KCNIP4: variants seen among roughly 807,000 people sequenced by gnomAD.
The protein encoded by KCNIP4 is Kv channel-interacting protein 4.
Under a neutral mutation model 34.0 loss-of-function variants are expected in KCNIP4, and 12 were observed. The observed-to-expected ratio is 0.35, with a 90% CI of 0.23 to 0.57. The LOEUF (loss-of-function observed/expected upper bound fraction) is 0.57. KCNIP4 is among the 20% of genes least tolerant of loss of function. KCNIP4 has a pLI of 0.83. For missense variants in KCNIP4, 238 were observed against 311.7 expected (o/e 0.76, Z 1.78); for synonymous variants, 124 against 102.2 (o/e 1.21, Z -1.29).
At chr4:21,014,281 T>C (rs1739313165) in intron 1 of KCNIP4, among the ~76,000 whole-genome samples, 1 of 151,922 alleles carries the variant, frequency 6.6e-6, no homozygotes, top group Admixed American at 6.6e-5. Flanking sequence ...ACTTAGGAGG[T>C]GTCTTGAATT....
Position 20,734,822 on chromosome 4 carries a change from C to T in KCNIP4, c.430-87G>A, listed in dbSNP as rs568036813. The T allele has an allele frequency of 6.1e-6, 4 of 651,328 alleles. No individual in the cohort carries two copies. The East Asian group carries it at 9.3e-5, about 15-fold the overall frequency. The allele number at this position is 651,328 out of a possible 1,614,324, so 40.3% of individuals were successfully genotyped here. On this transcript the variant is annotated intron_variant, in intron 5 of 8. Coordinates refer to ENST00000382152, the MANE Select transcript of KCNIP4 (RefSeq NM_025221.6). ...CAAATGATGTAAGTAAGGGCTACAA[C>T]CCTCTGGATCTTGAACATTTAGCAA...
chr4:21,776,207 T>C (rs1368628051), intron 1 of KCNIP4, among the ~76,000 whole-genome samples: 2 of 152,204 alleles, frequency 1.3e-5, no homozygotes, highest in South Asian at 2.1e-4. Context: ...CGTGTGGCTC[T>C]GAGGTAAGCT....
intron 1 of KCNIP4, among the ~76,000 whole-genome samples, chr4:21,454,354 T>C (rs1003680222): frequency 2.0e-5 from 3 of 152,004 alleles, no homozygotes; most frequent in Non-Finnish European, 4.4e-5. Flanking sequence ...GGGGAATAAA[T>C]GTTTAACTCA....
intron 1 of KCNIP4, among the ~76,000 whole-genome samples, chr4:20,960,420 C>G (rs1219957151): frequency 6.6e-6 from 1 of 152,218 alleles, no homozygotes; most frequent in Non-Finnish European, 1.5e-5. Context: ...TCTGTCGTTT[C>G]TCATTTGCTG....
intron 1 of KCNIP4, among the ~76,000 whole-genome samples, chr4:21,735,537 T>C (rs998310857): frequency 2.0e-5 from 3 of 152,148 alleles, no homozygotes; most frequent in Non-Finnish European, 2.9e-5. Context: ...TGACACCACA[T>C]TGGCAGCCTA....
chr4:20,744,209 CA>C (rs879858698), intron 5 of KCNIP4, among the ~76,000 whole-genome samples: 1 of 152,084 alleles, frequency 6.6e-6, no homozygotes, highest in African/African-American at 2.4e-5. Flanking sequence ...GGTGACTCCT[CA>C]AGGAGCTAGA....
chr4:21,721,194 A>G (rs1451364008), intron 1 of KCNIP4, among the ~76,000 whole-genome samples: 3 of 152,148 alleles, frequency 2.0e-5, no homozygotes, highest in Non-Finnish European at 4.4e-5. Context: ...GTAATGACCT[A>G]AAAGTAGAGA....
At chr4:20,985,347 A>T (rs1399913500) in intron 1 of KCNIP4, among the ~76,000 whole-genome samples, 1 of 152,196 alleles carries the variant, frequency 6.6e-6, no homozygotes, top group African/African-American at 2.4e-5. Flanking sequence ...CTAAGCACTT[A>T]CTATGTGCTC....
At chr4:21,815,451 G>A (rs186852664) in intron 1 of KCNIP4, among the ~76,000 whole-genome samples, 3 of 152,012 alleles carry the variant, frequency 2.0e-5, no homozygotes, top group East Asian at 1.9e-4. Flanking sequence ...CTCTTAGTAC[G>A]ATTATCACTA....
intron 1 of KCNIP4, among the ~76,000 whole-genome samples, chr4:21,070,608 A>C (rs1744804039): frequency 7.0e-6 from 1 of 143,506 alleles, no homozygotes; most frequent in South Asian, 2.2e-4. Context: ...GTATGTGTTC[A>C]TATCTTTTTC....
At chr4:21,026,963 C>T (rs1740608536) in intron 1 of KCNIP4, among the ~76,000 whole-genome samples, 2 of 152,092 alleles carry the variant, frequency 1.3e-5, no homozygotes, top group African/African-American at 4.8e-5. Context: ...GGGGTTTTGT[C>T]TCTATTATAA....
intron 1 of KCNIP4, among the ~76,000 whole-genome samples, chr4:21,665,076 G>A (rs978788818): frequency 1.3e-5 from 2 of 152,240 alleles, no homozygotes; most frequent in Admixed American, 6.5e-5. Flanking sequence ...AAAATAGGAC[G>A]TGAGGACCAG....
chr4:21,800,443 C>T (rs1039696532), intron 1 of KCNIP4, among the ~76,000 whole-genome samples: 14 of 152,008 alleles, frequency 9.2e-5, no homozygotes, highest in African/African-American at 3.1e-4. Flanking sequence ...AAAAATGAAC[C>T]AAATCAGATC....
chr4:20,894,560 A>G (rs1726296417), intron 1 of KCNIP4, among the ~76,000 whole-genome samples: 1 of 152,210 alleles, frequency 6.6e-6, no homozygotes, highest in African/African-American at 2.4e-5. Flanking sequence ...CTCTTAGTAT[A>G]AAATCCTGCA....
chr4:21,869,727 GAGATAGAT>G (rs71193417), intron 1 of KCNIP4, among the ~76,000 whole-genome samples: 33,992 of 143,374 alleles, frequency 0.24, 4,256 homozygotes, highest in South Asian at 0.29. Context: ...GAGAGATAAG[GAGATAGAT>G]AGATAGATAG....
intron 1 of KCNIP4, among the ~76,000 whole-genome samples, chr4:21,452,730 A>C (rs1040572031): frequency 7.2e-5 from 11 of 151,760 alleles, no homozygotes; most frequent in Admixed American, 3.9e-4. Flanking sequence ...TCTTCAAAGA[A>C]GTCAGAGCAT....
intron 1 of KCNIP4, among the ~76,000 whole-genome samples, chr4:21,873,024 T>G (rs1725903493): frequency 6.6e-6 from 1 of 152,210 alleles, no homozygotes; most frequent in South Asian, 2.1e-4. Context: ...TTCATTGATA[T>G]CATTAGTAAA....
chr4:21,049,310 A>G (rs1201121406), intron 1 of KCNIP4, among the ~76,000 whole-genome samples: 1 of 152,050 alleles, frequency 6.6e-6, no homozygotes, highest in Non-Finnish European at 1.5e-5. Context: ...ATACATAGTT[A>G]CCCTCCAAAT....
chr4:21,410,370 T>C (rs147088918), intron 1 of KCNIP4, among the ~76,000 whole-genome samples: 178 of 152,300 alleles, frequency 1.2e-3, no homozygotes, highest in African/African-American at 4.3e-3. Flanking sequence ...AACCACAGAA[T>C]GTGGCAGAAT....
Sources: gnomAD v4.1 joint callset for allele counts (sites outside exome capture counted in the v4.1 genomes callset) on GRCh38, gnomAD v4.1.1 for gene constraint, MANE v1.5 for transcripts, NCBI Gene and HGNC (gene_info 2026-07-23, HGNC 2026-07-21) for gene names.